The following SORBS2 variants were observed in gnomAD, a reference collection of about 807,000 sequenced individuals.
SORBS2 encodes the protein sorbin and SH3 domain-containing protein 2.
Under a neutral mutation model 97.7 loss-of-function variants are expected in SORBS2, and 46 were observed. The ratio of observed to expected loss-of-function variants is 0.47; its 90% confidence interval spans 0.37 to 0.60. The LOEUF (loss-of-function observed/expected upper bound fraction) is 0.60. Among genes scored for constraint, SORBS2 ranks in the 20% least tolerant of loss-of-function variants. The pLI is 0.00. For missense variants in SORBS2, 1,316 were observed against 1,282.3 expected (o/e 1.03, Z -0.40); for synonymous variants, 476 against 473.4 (o/e 1.01, Z -0.07).
intron 1 of SORBS2, among the ~76,000 whole-genome samples, chr4:185,885,268 G>A (rs574820529): frequency 6.6e-6 from 1 of 152,318 alleles, no homozygotes; most frequent in Admixed American, 6.5e-5. Flanking sequence ...CCAAGGGCGA[G>A]GAAAAGCCCG....
intron 1 of SORBS2, among the ~76,000 whole-genome samples, chr4:185,835,882 C>T (rs993998002): frequency 8.6e-5 from 13 of 151,960 alleles, no homozygotes; most frequent in African/African-American, 3.1e-4. Context: ...CATAAACCGT[C>T]TATTACAGAT....
At chr4:185,674,686 A>T (rs2097767670) in intron 4 of SORBS2, among the ~76,000 whole-genome samples, 2 of 151,454 alleles carry the variant, frequency 1.3e-5, no homozygotes, top group South Asian at 4.2e-4. Flanking sequence ...TATCACTCTC[A>T]CCTCACTTAC....
At chr4:185,915,077 A>G (rs1031322102) in intron 1 of SORBS2, among the ~76,000 whole-genome samples, 9 of 152,266 alleles carry the variant, frequency 5.9e-5, no homozygotes, top group African/African-American at 9.6e-5. Flanking sequence ...AAAGGCTTTC[A>G]TCTGAAAGGA....
chr4:185,919,838 C>T (rs2099260137), intron 1 of SORBS2, among the ~76,000 whole-genome samples: 1 of 152,236 alleles, frequency 6.6e-6, no homozygotes, highest in African/African-American at 2.4e-5. Context: ...TGCCATGCAT[C>T]TCTGGGACAC....
intron 1 of SORBS2, among the ~76,000 whole-genome samples, chr4:185,898,959 C>T (rs1177863842): frequency 6.6e-6 from 1 of 152,152 alleles, no homozygotes; most frequent in Non-Finnish European, 1.5e-5. Flanking sequence ...CTACACAAAA[C>T]CTATCATGCT....
At chr4:185,693,821 C>T (rs530653667) in intron 2 of SORBS2, among the ~76,000 whole-genome samples, 1 of 152,114 alleles carries the variant, frequency 6.6e-6, no homozygotes, top group South Asian at 2.1e-4. Context: ...ATTCAAATGC[C>T]GATATTTACA....
chr4:185,808,807 G>A (rs1298869440), intron 1 of SORBS2, among the ~76,000 whole-genome samples: 9 of 151,974 alleles, frequency 5.9e-5, no homozygotes, highest in South Asian at 2.1e-4. Flanking sequence ...CATTATAATC[G>A]GCTACTAATC....
chr4:185,748,345 A>G (rs1267766500), intron 2 of SORBS2, among the ~76,000 whole-genome samples: 3 of 152,182 alleles, frequency 2.0e-5, no homozygotes, highest in Non-Finnish European at 4.4e-5. Flanking sequence ...AGAATTTTCA[A>G]TCATGCTGGT....
At chr4:185,724,691 C>T (rs902372549) in intron 2 of SORBS2, among the ~76,000 whole-genome samples, 6 of 152,118 alleles carry the variant, frequency 3.9e-5, no homozygotes, top group Admixed American at 6.6e-5. Flanking sequence ...CTCTCGTCTT[C>T]GGCCACCTCT....
intron 1 of SORBS2, among the ~76,000 whole-genome samples, chr4:185,856,289 T>C (rs772315823): frequency 2.0e-5 from 3 of 152,226 alleles, no homozygotes; most frequent in Non-Finnish European, 4.4e-5. Context: ...AGGGCGAGTT[T>C]CTTAACTCAT....
intron 1 of SORBS2, among the ~76,000 whole-genome samples, chr4:185,831,666 G>T (rs892931769): frequency 6.6e-6 from 1 of 152,318 alleles, no homozygotes; most frequent in African/African-American, 2.4e-5. Context: ...ATGTGGACGG[G>T]TGTTGGCCAT....
At chr4:185,933,367 G>T (rs916875660) in intron 1 of SORBS2, 2 of 152,074 alleles carry the variant, frequency 1.3e-5, no homozygotes, top group African/African-American at 2.4e-5. Flanking sequence ...GGGTCTATTC[G>T]TCTGCTTGGG....
intron 4 of SORBS2, among the ~76,000 whole-genome samples, chr4:185,669,168 T>A (rs1409071720): frequency 6.6e-6 from 1 of 151,948 alleles, no homozygotes; most frequent in Non-Finnish European, 1.5e-5. Context: ...GCTTCAGCAG[T>A]GGAAAAAGTG....
intron 1 of SORBS2, among the ~76,000 whole-genome samples, chr4:185,906,403 G>A (rs779446233): frequency 2.0e-5 from 3 of 152,052 alleles, no homozygotes; most frequent in Non-Finnish European, 4.4e-5. Flanking sequence ...TCCAAAACTG[G>A]GAAAATTTTA....
intron 2 of SORBS2, among the ~76,000 whole-genome samples, chr4:185,759,889 G>T (rs1487057167): frequency 3.3e-5 from 5 of 152,116 alleles, no homozygotes; most frequent in African/African-American, 1.2e-4. Flanking sequence ...GTAGTCATTA[G>T]CAATAATCTA....
chr4:185,803,604 T>A (rs1340232948), intron 1 of SORBS2, among the ~76,000 whole-genome samples: 1 of 152,138 alleles, frequency 6.6e-6, no homozygotes, highest in African/African-American at 2.4e-5. Context: ...TGCCAATAAA[T>A]CTAAAAATTA....
intron 4 of SORBS2, among the ~76,000 whole-genome samples, chr4:185,636,903 T>C (rs1315028389): frequency 6.6e-6 from 1 of 152,200 alleles, no homozygotes; most frequent in Non-Finnish European, 1.5e-5. Flanking sequence ...TGCCTCGGCC[T>C]CCCAAAGTGC....
At chr4:185,827,937 A>G (rs529024392) in intron 1 of SORBS2, among the ~76,000 whole-genome samples, 29 of 132,320 alleles carry the variant, frequency 2.2e-4, no homozygotes, top group African/African-American at 6.8e-4. Flanking sequence ...CATCATCACC[A>G]TCATCATCAT....
chr4:185,654,808 G>T (rs34524489), intron 1 of SORBS2, among the ~76,000 whole-genome samples: 43,468 of 151,986 alleles, frequency 0.29, 7,040 homozygotes, highest in East Asian at 0.47. Context: ...TCACTATGCC[G>T]TTTTTTCTAC....
Sources: gnomAD v4.1 joint callset for allele counts (sites outside exome capture counted in the v4.1 genomes callset) on GRCh38, gnomAD v4.1.1 for gene constraint, MANE v1.5 for transcripts, NCBI Gene and HGNC (gene_info 2026-07-23, HGNC 2026-07-21) for gene names.